The following COG5 variants were observed in gnomAD, a reference collection of about 807,000 sequenced individuals.
COG5 encodes the protein conserved oligomeric Golgi complex subunit 5.
In COG5, 86 loss-of-function variants were observed where a neutral mutation model predicts 110.4. The observed-to-expected ratio is 0.78, with a 90% CI of 0.65 to 0.93. The LOEUF (loss-of-function observed/expected upper bound fraction) is 0.93, where lower values mean the gene tolerates loss of function less well. Among genes scored for constraint, COG5 ranks in the 40% least tolerant of loss-of-function variants. COG5 has a pLI of 0.00. For missense variants in COG5, 1,077 were observed against 987.0 expected (o/e 1.09, Z -1.22); for synonymous variants, 360 against 334.6 (o/e 1.08, Z -0.83).
At chr7:107,562,381 G>A (rs150624659) in intron 1 of COG5, among the ~76,000 whole-genome samples, 10 of 152,044 alleles carry the variant, frequency 6.6e-5, no homozygotes, top group Admixed American at 2.0e-4. Context: ...AGTTTAAAAC[G>A]TCTCCACCTA....
intron 13 of COG5, 58 bp from the exon 14 acceptor site, chr7:107,281,457 A>T: frequency 2.4e-6 from 3 of 1,264,818 alleles, no homozygotes; most frequent in South Asian, 2.4e-5. Flanking sequence ...AACAAAGTAA[A>T]GAGCAAGATA....
intron 17 of COG5, among the ~76,000 whole-genome samples, chr7:107,237,398 C>T (rs1236452001): frequency 3.3e-5 from 5 of 151,920 alleles, no homozygotes; most frequent in Non-Finnish European, 7.4e-5. Flanking sequence ...AGAGATATAC[C>T]AAAACTAGCT....
intron 11 of COG5, among the ~76,000 whole-genome samples, chr7:107,305,310 C>A (rs565131982): frequency 3.5e-4 from 54 of 152,288 alleles, no homozygotes; most frequent in African/African-American, 1.1e-3. Context: ...CCTTTGTGAG[C>A]AGGCTGCTAC....
intron 6 of COG5, among the ~76,000 whole-genome samples, chr7:107,494,499 T>C (rs1466118483): frequency 1.3e-5 from 2 of 152,164 alleles, no homozygotes; most frequent in Non-Finnish European, 2.9e-5. Flanking sequence ...TATGTTTAGA[T>C]ATATTTAAGT....
chr7:107,317,211 A>C (rs1808836914), intron 11 of COG5, among the ~76,000 whole-genome samples: 1 of 152,130 alleles, frequency 6.6e-6, no homozygotes, highest in Non-Finnish European at 1.5e-5. Flanking sequence ...CCAGCTCATT[A>C]CCTTAAAGGA....
chr7:107,290,430 T>C (rs1806065959), intron 12 of COG5, among the ~76,000 whole-genome samples: 1 of 152,198 alleles, frequency 6.6e-6, no homozygotes, highest in African/African-American at 2.4e-5. Context: ...TTTTATACAG[T>C]CGATACATAT....
In COG5 at chr7:107,402,248, A is replaced by C. The variant is rs188261815; in HGVS notation, c.669+10254T>G. ...AAGAAGGTCTTCTGCTTTAGGGAAA[A>C]GGCAAGTTCATGAATACTTAGTTAC... is the stretch of plus-strand genomic sequence containing the variant. On this transcript the variant is annotated intron_variant, in intron 7 of 21. Coordinates refer to ENST00000297135, the MANE Select transcript of COG5 (RefSeq NM_006348.5). Among the ~76,000 whole-genome samples the C allele has an allele frequency of 2.1e-3, 321 of 152,284 alleles. 2 individuals are homozygous for C. Among genetic ancestry groups the C allele is most frequent in the Non-Finnish European group, 3.4e-3 (229 of 68,022 alleles).
At chr7:107,270,952 C>G (rs1319858822) in intron 14 of COG5, among the ~76,000 whole-genome samples, 1 of 123,768 alleles carries the variant, frequency 8.1e-6, no homozygotes, top group Non-Finnish European at 1.6e-5. Context: ...TGGTCTCTAA[C>G]TCCTGATCTC....
intron 6 of COG5, among the ~76,000 whole-genome samples, chr7:107,486,098 G>A (rs1797641049): frequency 6.6e-6 from 1 of 151,842 alleles, no homozygotes; most frequent in Non-Finnish European, 1.5e-5. Context: ...AGATAAAGCT[G>A]AAAAATAGGT....
intron 10 of COG5, among the ~76,000 whole-genome samples, chr7:107,348,976 T>C (rs981634911): frequency 6.6e-6 from 1 of 152,084 alleles, no homozygotes; most frequent in Non-Finnish European, 1.5e-5. Flanking sequence ...ATCCTCCCAC[T>C]TCAGCCTGCT....
chr7:107,509,178 T>G (rs1011328610), intron 6 of COG5, among the ~76,000 whole-genome samples: 4 of 151,918 alleles, frequency 2.6e-5, no homozygotes, highest in African/African-American at 9.7e-5. Context: ...CTAACTAGAA[T>G]AACCAATGCA....
intron 19 of COG5, among the ~76,000 whole-genome samples, chr7:107,211,642 A>G (rs1277309121): frequency 6.6e-6 from 1 of 152,254 alleles, no homozygotes; most frequent in East Asian, 1.9e-4. Flanking sequence ...GACCATAATC[A>G]AATGTGGTAT....
chr7:107,424,057 G>A (rs917888649), intron 6 of COG5, among the ~76,000 whole-genome samples: 15 of 152,002 alleles, frequency 9.9e-5, no homozygotes, highest in African/African-American at 2.9e-4. Flanking sequence ...CGGACTGCCC[G>A]AGCTCACGAG....
At chr7:107,447,809 G>A (rs538055708) in intron 6 of COG5, among the ~76,000 whole-genome samples, 3 of 152,156 alleles carry the variant, frequency 2.0e-5, no homozygotes, top group East Asian at 3.9e-4. Flanking sequence ...CATAAATCAG[G>A]CTTTTATTCG....
At chr7:107,555,025 G>A (rs1259265756) in intron 2 of COG5, among the ~76,000 whole-genome samples, 3 of 152,072 alleles carry the variant, frequency 2.0e-5, no homozygotes, top group African/African-American at 2.4e-5. Context: ...TCAAACATCA[G>A]GTTCTCTTTG....
chr7:107,510,373 T>C (rs1016937217), intron 6 of COG5, among the ~76,000 whole-genome samples: 8 of 152,330 alleles, frequency 5.3e-5, no homozygotes, highest in Admixed American at 2.6e-4. Context: ...ATGCACCTAA[T>C]ACAGGACAAC....
At chr7:107,545,932 T>C (rs1205212587) in intron 5 of COG5, among the ~76,000 whole-genome samples, 1 of 151,974 alleles carries the variant, frequency 6.6e-6, no homozygotes, top group African/African-American at 2.4e-5. Context: ...TCTTCTCAAA[T>C]GCACATGGAA....
At chr7:107,391,113 T>TCGGCAA (rs760521635) in intron 7 of COG5, among the ~76,000 whole-genome samples, 2 of 150,854 alleles carry the variant, frequency 1.3e-5, no homozygotes, top group Non-Finnish European at 3.0e-5. Context: ...GGGGGGAGGG[T>TCGGCAA]CGGCAACGGT....
At chr7:107,251,156 T>C (rs1361520109) in intron 16 of COG5, among the ~76,000 whole-genome samples, 1 of 148,206 alleles carries the variant, frequency 6.7e-6, no homozygotes, top group Non-Finnish European at 1.5e-5. Context: ...AAAAAAAGAT[T>C]ACATACAAGG....
Sources: allele counts gnomAD v4.1 joint callset (sites outside exome capture counted in the v4.1 genomes callset), GRCh38; gene constraint gnomAD v4.1.1; transcripts MANE v1.5; gene names NCBI Gene and HGNC (gene_info 2026-07-23, HGNC 2026-07-21).